The following SLC25A26 variants were observed in gnomAD, a reference collection of about 807,000 sequenced individuals.
The protein encoded by SLC25A26 is solute carrier family 25 member 26.
In SLC25A26, 36 loss-of-function variants were observed where a neutral mutation model predicts 37.8. The ratio of observed to expected loss-of-function variants is 0.95; its 90% CI spans 0.73 to 1.26. The LOEUF (loss-of-function observed/expected upper bound fraction) is 1.26. SLC25A26 is among the 50% of genes most tolerant of loss of function. The pLI is 0.00. For missense variants in SLC25A26, 390 were observed against 331.1 expected, an observed-to-expected ratio of 1.18 and a Z score of -1.38; for synonymous variants, 129 against 122.5, an observed-to-expected ratio of 1.05 and a Z score of -0.35.
chr3:66,171,029 T>A (rs1468650886), intron 1 of SLC25A26, among the ~76,000 whole-genome samples: 1 of 151,554 alleles, frequency 6.6e-6, no homozygotes, highest in Admixed American at 6.6e-5. Context: ...GGTCTCGATC[T>A]CCTGACCTCG....
At chr3:66,307,999 A>T (rs1435041790) in intron 5 of SLC25A26, among the ~76,000 whole-genome samples, 1 of 152,170 alleles carries the variant, frequency 6.6e-6, no homozygotes, top group African/African-American at 2.4e-5. Context: ...CTTTGGTTCC[A>T]TATGAAATTT....
chr3:66,351,826 A>G (rs2076460078), intron 6 of SLC25A26, among the ~76,000 whole-genome samples: 1 of 152,106 alleles, frequency 6.6e-6, no homozygotes, highest in South Asian at 2.1e-4. Flanking sequence ...CAACAAGTTC[A>G]CTGTTCTAGT....
chr3:66,350,905 G>A (rs1042609802), intron 6 of SLC25A26, among the ~76,000 whole-genome samples: 1 of 152,064 alleles, frequency 6.6e-6, no homozygotes, highest in Admixed American at 6.5e-5. Flanking sequence ...CCTGCTTGAA[G>A]TCTTCTAATG....
intron 5 of SLC25A26, among the ~76,000 whole-genome samples, chr3:66,295,788 G>A (rs909445047): frequency 1.2e-4 from 18 of 150,766 alleles, no homozygotes; most frequent in African/African-American, 2.2e-4. Context: ...GCAAGCCACC[G>A]TGCCCGGCCA....
intron 6 of SLC25A26, among the ~76,000 whole-genome samples, chr3:66,356,355 C>T (rs2107782390): frequency 6.6e-6 from 1 of 152,204 alleles, no homozygotes; most frequent in East Asian, 1.9e-4. Context: ...TGCTATTCTT[C>T]CTCTGATAGG....
chr3:66,289,196 T>TGTTTG (rs2074618999), intron 5 of SLC25A26, among the ~76,000 whole-genome samples: 2 of 152,084 alleles, frequency 1.3e-5, no homozygotes, highest in Admixed American at 6.5e-5. Context: ...CTTGTAAATT[T>TGTTTG]AAGTTCCTTG....
upstream of SLC25A26, among the ~76,000 whole-genome samples, chr3:66,216,025 G>C (rs1323727641): frequency 6.6e-6 from 1 of 152,140 alleles, no homozygotes; most frequent in African/African-American, 2.4e-5. Flanking sequence ...GTGGCAAAAG[G>C]TGGAAGGGAA....
At chr3:66,171,821 G>A (rs186778873) in intron 1 of SLC25A26, among the ~76,000 whole-genome samples, 4 of 152,290 alleles carry the variant, frequency 2.6e-5, no homozygotes, top group Non-Finnish European at 5.9e-5. Context: ...TTCTTTAAAT[G>A]TTTGTAGAGC....
At chr3:66,357,855 A>G (rs2076612094) in intron 6 of SLC25A26, among the ~76,000 whole-genome samples, 2 of 152,228 alleles carry the variant, frequency 1.3e-5, no homozygotes, top group African/African-American at 4.8e-5. Flanking sequence ...TGCTATTTGC[A>G]GGACGAACCA....
chr3:66,213,174 T>A (rs1017613974), intron 1 of SLC25A26, among the ~76,000 whole-genome samples: 3 of 152,098 alleles, frequency 2.0e-5, no homozygotes, highest in Admixed American at 2.0e-4. Flanking sequence ...CCGAGGTGGG[T>A]GGATCACCTG....
intron 1 of SLC25A26, among the ~76,000 whole-genome samples, chr3:66,149,980 C>A (rs993665818): frequency 1.3e-5 from 2 of 152,092 alleles, no homozygotes; most frequent in African/African-American, 4.8e-5. Flanking sequence ...AGGGAAGGTG[C>A]TGCTTGGCCA....
upstream of SLC25A26, among the ~76,000 whole-genome samples, chr3:66,220,238 A>G (rs1389728645): frequency 6.6e-6 from 1 of 152,232 alleles, no homozygotes; most frequent in Non-Finnish European, 1.5e-5. Flanking sequence ...TGCTGACATC[A>G]TAGGGTTGGT....
In SLC25A26 at chr3:66,236,568, G is replaced by C; in HGVS notation, c.58G>C (p.Val20Leu). 1 of 1,458,578 alleles carries C rather than the reference G, an allele frequency of 6.9e-7. No homozygotes were observed. The highest frequency in any genetic ancestry group is 2.5e-5 in the East Asian group (1 of 39,566). The allele number at this position is 1,458,578 out of a possible 1,614,324, so 90.4% of individuals were successfully genotyped here. The change falls in exon 2 of 10, where the codon GTT becomes CTT. Residue 20 changes from valine (V) to leucine (L), a missense_variant. Coordinates refer to ENST00000354883, the MANE Select transcript of SLC25A26 (RefSeq NM_001379210.1). ...LVAGGVAGVS[V>L]DLILFPLDTI... ...GGCTGGTGGGGTAGCAGGTGTTTCT[G>C]TTGACTTGATATTATTTCCTCTGGA...
At chr3:66,284,714 G>A (rs1213405286) in intron 5 of SLC25A26, among the ~76,000 whole-genome samples, 1 of 152,022 alleles carries the variant, frequency 6.6e-6, no homozygotes, top group African/African-American at 2.4e-5. Context: ...AGTCATATAG[G>A]GTAAGTGCTC....
intron 1 of SLC25A26, among the ~76,000 whole-genome samples, chr3:66,186,047 AC>A (rs1473989233): frequency 2.0e-5 from 3 of 151,666 alleles, no homozygotes; most frequent in Non-Finnish European, 4.4e-5. Context: ...ACGCATCCTG[AC>A]ACCGATTCTG....
At chr3:66,280,400 T>C (rs1334232403) in intron 5 of SLC25A26, among the ~76,000 whole-genome samples, 3 of 152,218 alleles carry the variant, frequency 2.0e-5, no homozygotes, top group Non-Finnish European at 2.9e-5. Flanking sequence ...TACCTTGTCA[T>C]GATTCCCAGT....
chr3:66,160,153 C>T (rs973342374), intron 1 of SLC25A26, among the ~76,000 whole-genome samples: 1 of 152,080 alleles, frequency 6.6e-6, no homozygotes, highest in African/African-American at 2.4e-5. Flanking sequence ...CAGTCATGCG[C>T]CACCACACCT....
intron 5 of SLC25A26, among the ~76,000 whole-genome samples, chr3:66,310,389 G>T (rs2075343503): frequency 6.6e-6 from 1 of 152,084 alleles, no homozygotes; most frequent in Non-Finnish European, 1.5e-5. Context: ...GAGCCTATTT[G>T]TGTCTTTGCA....
chr3:66,153,093 T>G (rs1264606437), intron 1 of SLC25A26, among the ~76,000 whole-genome samples: 1 of 152,206 alleles, frequency 6.6e-6, no homozygotes, highest in African/African-American at 2.4e-5. Context: ...GGGGATTTTC[T>G]GTTCCCCAGG....
Sources: gnomAD v4.1 joint callset for allele counts (sites outside exome capture counted in the v4.1 genomes callset) on GRCh38, gnomAD v4.1.1 for gene constraint, MANE v1.5 for transcripts, NCBI Gene and HGNC (gene_info 2026-07-23, HGNC 2026-07-21) for gene names.